Variants in RPS6KB2 observed in about 807,000 individuals in gnomAD.
The protein encoded by RPS6KB2 is ribosomal protein S6 kinase beta-2.
In RPS6KB2, 51 loss-of-function variants were observed where a neutral mutation model predicts 58.2. That is an observed-to-expected ratio of 0.88 (90% CI 0.70 to 1.11). The LOEUF is 1.11. Ranked by LOEUF, RPS6KB2 falls within the 50% of genes least tolerant of loss-of-function variation. The pLI is 0.00. For missense variants in RPS6KB2, 671 were observed against 655.8 expected, an observed-to-expected ratio of 1.02 and a Z score of -0.25; for synonymous variants, 293 against 258.6, an observed-to-expected ratio of 1.13 and a Z score of -1.28.
Position 67,428,643 on chromosome 11 carries a change from G to A in RPS6KB2, c.78+20G>A, listed in dbSNP as rs1424469169. Reference sequence around the variant, plus strand: ...CCCGCGGTGAGTGCCCTGCCCTGGCGCGACTGGATCCTGGAGCCGATCCTG... The same window carrying A: ...CCCGCGGTGAGTGCCCTGCCCTGGCACGACTGGATCCTGGAGCCGATCCTG... On this transcript the variant is annotated intron_variant, in intron 1 of 14. Transcript: ENST00000312629. 1.9e-6 allele frequency: 3 copies of A among 1,597,092 alleles called. No homozygotes were observed. The highest frequency in any genetic ancestry group is 2.7e-5 in the African/African-American group (2 of 74,328).
At position 67,433,465 on chromosome 11, in the gene RPS6KB2, CT is replaced by C. The variant is rs745386256; in HGVS notation, c.906+20del. 2 of 1,567,110 alleles carry C rather than the reference CT, an allele frequency of 1.3e-6. No individual in the cohort carries two copies. Among genetic ancestry groups the C allele is most frequent in the South Asian group, 2.2e-5 (2 of 90,334 alleles). Reference sequence around the variant, plus strand: ...TCAAAAAGGTGCAGCTCCCTTCTCTCTTCTCCGGGGCCCTGCCAGCCATTCT... The same window carrying C: ...TCAAAAAGGTGCAGCTCCCTTCTCTCTCTCCGGGGCCCTGCCAGCCATTCT... On this transcript the variant is annotated intron_variant, in intron 10 of 14. Coordinates refer to ENST00000312629, the MANE Select transcript of RPS6KB2 (RefSeq NM_003952.3).
At position 67,434,288 on chromosome 11, in the gene RPS6KB2, G is replaced by C. The variant is rs1339773238; in HGVS notation, c.1047+13G>C. On this transcript the variant is annotated intron_variant, in intron 12 of 14. Transcript: ENST00000312629. ...CAGGCCCTGTCTGGTGAGCAGCAGG[G>C]CTGGTGGCCAGTGGCCGGTGGCGGG... The C allele has an allele frequency of 6.2e-7, 1 of 1,612,984 alleles. No homozygotes were observed. Among genetic ancestry groups the C allele is most frequent in the African/African-American group, 1.3e-5 (1 of 74,952 alleles).
Position 67,435,367 on chromosome 11 carries a change from A to C in RPS6KB2, c.*198A>C. 1 of 624,492 alleles carries C rather than the reference A, an allele frequency of 1.6e-6. No individual in the cohort carries two copies. Among genetic ancestry groups the C allele is most frequent in the East Asian group, 2.8e-5 (1 of 35,404 alleles). 38.7% of individuals were successfully genotyped at this position (624,492 alleles called of 1,614,324 possible). A position where few individuals can be genotyped will look rare whatever the true frequency, so the allele number is the denominator to read the frequency against. On this transcript the variant is annotated 3_prime_UTR_variant, in exon 15 of 15. Transcript: ENST00000312629. ...GGCCGCCCGCCACGCCCCGCGCTCA[A>C]CTGCTCCCGTGGAAGATTAAAGGGC...
chr11:67,429,049 G>A, intron 2 of RPS6KB2, 27 bp downstream of exon 2: 1 of 1,613,654 alleles, frequency 6.2e-7, no homozygotes. Flanking sequence ...TTGGGGGAGG[G>A]GGGAATGGAG....
intron 10 of RPS6KB2, among the ~76,000 whole-genome samples, chr11:67,433,748 T>G (rs117142362): frequency 0.034 from 5,230 of 152,234 alleles, 154 homozygotes; most frequent in Middle Eastern, 0.099. Context: ...GACAGCCACA[T>G]GGGGAGTTGG....
Position 67,429,009 on chromosome 11 carries a change from GC to G in RPS6KB2, c.107del (p.Ala36GlufsTer4). ...CGCATGTCCCCTTGCCGAGTTGAGG[GC>G]AGCTGGCCTAGAGTGAGTGAGGGTC... ...ADACPLAELR[A>X]AGLEPVGHYE... On this transcript the variant is annotated frameshift_variant, in exon 2 of 15. Coordinates refer to ENST00000312629, the MANE Select transcript of RPS6KB2 (RefSeq NM_003952.3). LOFTEE classifies it high-confidence loss of function. The G allele has an allele frequency of 6.2e-7, 1 of 1,614,018 alleles. No homozygotes were observed. The highest frequency in any genetic ancestry group is 8.5e-7 in the Non-Finnish European group (1 of 1,180,006).
In RPS6KB2 at chr11:67,432,838, G is replaced by A. The variant is rs1170806235; in HGVS notation, c.616+1G>A. ...GAGAACATCATGCTCAGCAGCCAGG[G>A]TGCGCATGTGTGTGCGGGCAGCTGC... is the stretch of plus-strand genomic sequence containing the variant. On this transcript the variant is annotated splice_donor_variant, in intron 7 of 14. Transcript: ENST00000312629. LOFTEE classifies it high-confidence loss of function. 1.2e-6 allele frequency: 2 copies of A among 1,613,326 alleles called. No homozygotes were observed. The highest frequency in any genetic ancestry group is 2.2e-5 in the East Asian group (1 of 44,890).
At chr11:67,431,098 A>T in intron 4 of RPS6KB2, 1 of 213,530 alleles carries the variant, frequency 4.7e-6, no homozygotes, top group Non-Finnish European at 9.0e-6. Flanking sequence ...CAGTGGCGTG[A>T]TCTCAGCTCA....
rs775686892 is a variant in RPS6KB2, at chr11:67,429,226, G to C, written c.226G>C (p.Gly76Arg). ...TGAGCTGCTGCGTGTGCTGGGCAAG[G>C]GGGGCTATGGCAAGGTAGGGGCGGG... ...CFELLRVLGK[G>R]GYGKVFQVRK... Residue 76 changes from glycine to arginine, a missense_variant, in exon 3 of 15, where the codon GGG becomes CGG. Physicochemically the swap from Gly to Arg is moderately radical, Grantham distance 125 (BLOSUM62 -2). Transcript: ENST00000312629. 3 of 1,613,366 alleles carry C rather than the reference G, an allele frequency of 1.9e-6. No individual in the cohort carries two copies. The highest frequency in any genetic ancestry group is 2.2e-5 in the South Asian group (2 of 91,084).
intron 10 of RPS6KB2, 125 bp from the exon 11 acceptor site, chr11:67,433,870 G>T: frequency 9.6e-7 from 1 of 1,039,224 alleles, no homozygotes; most frequent in Non-Finnish European, 1.5e-6. Context: ...GGTATCCATA[G>T]GTGGGAGCCA....
chr11:67,435,163 G>A lies in RPS6KB2; in HGVS notation c.1443G>A (p.Gly481=), dbSNP rs1316576348. 6.4e-7 allele frequency: 1 copy of A among 1,573,318 alleles called. No homozygotes were observed. Among genetic ancestry groups the A allele is most frequent in the East Asian group, 2.3e-5 (1 of 43,288 alleles). Residue 481 remains glycine, a synonymous_variant, in exon 15 of 15, where the codon GGG becomes GGA. Transcript: ENST00000312629. ...KKSKRGRGRP[G]R Reference sequence around the variant, plus strand: ...CCAAGAGGGGCCGTGGGCGTCCAGGGCGCTAGGAAGCCGGGTGGGGGTGAG... The same window carrying A: ...CCAAGAGGGGCCGTGGGCGTCCAGGACGCTAGGAAGCCGGGTGGGGGTGAG...
At chr11:67,432,681 C>T in intron 6 of RPS6KB2, 24 bp downstream of exon 6, 1 of 1,614,138 alleles carries the variant, frequency 6.2e-7, no homozygotes. Flanking sequence ...CTCCGCTTTC[C>T]TGAGGCTGCC....
rs1864019511 is a variant in RPS6KB2 at position 67,431,494 on chromosome 11, C to CT, written c.437dup (p.Ile147HisfsTer3). Reference sequence around the variant, plus strand: ...CTTCCAGACTGGTGGCAAACTCTACCTCATCCTTGAGTGCCTCAGTGGTAT... The same window carrying CT: ...CTTCCAGACTGGTGGCAAACTCTACCTTCATCCTTGAGTGCCTCAGTGGTAT... On this transcript the variant is annotated frameshift_variant, in exon 5 of 15. Coordinates refer to ENST00000312629, the MANE Select transcript of RPS6KB2 (RefSeq NM_003952.3). LOFTEE classifies it high-confidence loss of function. The CT allele has an allele frequency of 5.0e-6, 8 of 1,614,072 alleles. No individual in the cohort carries two copies. Among genetic ancestry groups the CT allele is most frequent in the Non-Finnish European group, 5.9e-6 (7 of 1,179,996 alleles).
chr11:67,433,510 C>T (rs2135126472), intron 10 of RPS6KB2, 63 bp downstream of exon 10: 1 of 1,331,288 alleles, frequency 7.5e-7, no homozygotes, highest in East Asian at 2.3e-5. Flanking sequence ...TCCTGAGTCT[C>T]TCTGGGCTGT....
intron 5 of RPS6KB2, 172 bp downstream of exon 5, chr11:67,431,687 T>G: frequency 1.6e-6 from 1 of 614,552 alleles, no homozygotes; most frequent in Non-Finnish European, 2.8e-6. Flanking sequence ...CCATCATTCA[T>G]TCATTCAGCA....
At chr11:67,428,697 C>T (rs920781667) in intron 1 of RPS6KB2, 74 bp downstream of exon 1, 2 of 1,411,886 alleles carry the variant, frequency 1.4e-6, no homozygotes, top group East Asian at 2.4e-5. Flanking sequence ...AGCGGCGGCT[C>T]CGCACGCCCA....
In RPS6KB2 at chr11:67,435,076, A is replaced by G. The variant is rs1565149643; in HGVS notation, c.1356A>G (p.Pro452=). The G allele has an allele frequency of 1.2e-6, 2 of 1,610,906 alleles. No individual in the cohort carries two copies. Among genetic ancestry groups the G allele is most frequent in the Non-Finnish European group, 1.7e-6 (2 of 1,179,384 alleles). ...PTELPLPPLL[P]PPPPSTTAPL... is the part of the protein sequence containing the mutation. ...AGCTACCTCTACCTCCACTCCTGCC[A>G]CCGCCGCCGCCCTCGACCACCGCCC... Residue 452 remains proline, a synonymous_variant, in exon 15 of 15, where the codon CCA becomes CCG. Transcript: ENST00000312629.
Position 67,429,036 on chromosome 11 carries a change from G to T in RPS6KB2, c.119+14G>T. On this transcript the variant is annotated intron_variant, in intron 2 of 14. Transcript: ENST00000312629. ...AGCTGGCCTAGAGTGAGTGAGGGTCGTGTTGGGGGAGGGGGGAATGGAGTG... is the reference window on the plus strand; with the variant it reads ...AGCTGGCCTAGAGTGAGTGAGGGTCTTGTTGGGGGAGGGGGGAATGGAGTG... 1.9e-6 allele frequency: 3 copies of T among 1,613,884 alleles called. No individual in the cohort carries two copies. The highest frequency in any genetic ancestry group is 8.5e-7 in the Non-Finnish European group (1 of 1,179,938).
rs547117885 is a variant in RPS6KB2, at chr11:67,433,025, C to T, written c.690C>T (p.Cys230=). 46 of 1,613,310 alleles carry T rather than the reference C, an allele frequency of 2.9e-5. No individual in the cohort carries two copies. Among genetic ancestry groups the T allele is most frequent in the Middle Eastern group, 3.3e-4 (2 of 6,060 alleles). Residue 230 remains cysteine, a synonymous_variant, in exon 8 of 15, where the codon TGC becomes TGT. Coordinates refer to ENST00000312629, the MANE Select transcript of RPS6KB2 (RefSeq NM_003952.3). The stretch of plus-strand genomic sequence containing the variant: ...AGGGCGCCGTCACTCACACCTTCTG[C>T]GGCACCATTGAGTACATGTAAGTGG... ...IHEGAVTHTF[C]GTIEYMAPEI...
Sources: allele counts gnomAD v4.1 joint callset (sites outside exome capture counted in the v4.1 genomes callset), GRCh38; gene constraint gnomAD v4.1.1; transcripts MANE v1.5; gene names NCBI Gene and HGNC (gene_info 2026-07-23, HGNC 2026-07-21).